AGO1: variants seen among roughly 807,000 people sequenced by gnomAD.
AGO1 encodes the protein argonaute RISC component 1.
Under a neutral mutation model 109.2 loss-of-function variants are expected in AGO1, and 11 were observed. The ratio of observed to expected loss-of-function variants is 0.10; its 90% CI spans 0.06 to 0.17. The LOEUF is 0.17. AGO1 is among the 10% of genes least tolerant of loss of function. The pLI is 1.00. For missense variants in AGO1, 574 were observed against 1,140.3 expected, an observed-to-expected ratio of 0.50 and a Z score of 7.15; for synonymous variants, 422 against 418.6, an observed-to-expected ratio of 1.01 and a Z score of -0.10.
chr1:35,882,671 A>G (rs1379660339), upstream of AGO1, among the ~76,000 whole-genome samples: 1 of 152,158 alleles, frequency 6.6e-6, no homozygotes, highest in African/African-American at 2.4e-5. This position sits in a 1 kb window ranked among gnomAD's most constrained non-coding sequence, Gnocchi z 5.1. Flanking sequence ...CTTCCAGGGT[A>G]GGCCGCGTCT....
Position 35,915,548 on chromosome 1 carries a change from G to T in AGO1, c.2028+6G>T. The T allele has an allele frequency of 2.5e-6, 4 of 1,612,914 alleles. No individual in the cohort carries two copies. Among genetic ancestry groups the T allele is most frequent in the Non-Finnish European group, 2.5e-6 (3 of 1,179,386 alleles). ...CTGAAGGCCAGCTACCCCAGGTAGG[G>T]CCCACAGTAGGTGGAGAAAACCTTC... On this transcript the variant is annotated splice_donor_region_variant and intron_variant, in intron 15 of 18. Transcript: ENST00000373204.
intron 1 of AGO1, among the ~76,000 whole-genome samples, chr1:35,884,745 A>T (rs550752117): frequency 2.6e-5 from 4 of 152,146 alleles, no homozygotes; most frequent in African/African-American, 9.7e-5. Context: ...GGAACAGAGG[A>T]TAAACTGAGG....
chr1:35,885,762 G>C (rs1342662623), intron 1 of AGO1, among the ~76,000 whole-genome samples: 1 of 152,222 alleles, frequency 6.6e-6, no homozygotes, highest in Admixed American at 6.5e-5. Flanking sequence ...GCAGTGTCTG[G>C]TTTATTTGTA....
At chr1:35,897,263 G>A (rs925331773) in intron 8 of AGO1, among the ~76,000 whole-genome samples, 3 of 152,154 alleles carry the variant, frequency 2.0e-5, no homozygotes, top group African/African-American at 7.2e-5. Context: ...TGTTAGGGAG[G>A]TCCTCTTTTA....
intron 11 of AGO1, among the ~76,000 whole-genome samples, chr1:35,903,012 T>A (rs1033860850): frequency 6.6e-6 from 1 of 150,698 alleles, no homozygotes; most frequent in African/African-American, 2.4e-5. Flanking sequence ...TTTTTTTTTT[T>A]TTTTTTTTTT....
At chr1:35,903,524 G>T (rs1404870459) in intron 11 of AGO1, among the ~76,000 whole-genome samples, 1 of 152,098 alleles carries the variant, frequency 6.6e-6, no homozygotes. Context: ...GGGGAAGTAT[G>T]CCATGACGAA....
chr1:35,880,480 T>C (rs139528420), upstream of AGO1, among the ~76,000 whole-genome samples: 403 of 152,242 alleles, frequency 2.6e-3, 3 homozygotes, highest in African/African-American at 9.0e-3. Context: ...GAGAATTACT[T>C]GCGCCTGAGA....
chr1:35,917,751 C>T (rs1645760844), intron 16 of AGO1, 24 bp downstream of exon 16: 1 of 1,606,164 alleles, frequency 6.2e-7, no homozygotes, highest in African/African-American at 1.3e-5. Flanking sequence ...TGAGGCCTCC[C>T]ATCCCCTCCT....
rs1645070496 is a variant in AGO1 at position 35,883,727 on chromosome 1, C to T, written c.25+281C>T. Among the ~76,000 whole-genome samples the T allele has an allele frequency of 6.6e-6, 1 of 152,194 alleles. No homozygotes were observed. Among genetic ancestry groups the T allele is most frequent in the Admixed American group, 6.5e-5 (1 of 15,284 alleles). Reference sequence around the variant, plus strand: ...ACGCACGGAAGGACTCCCAGACATCCGTGGAGGCCTACGGAGAGGCCCGGC... The same window carrying T: ...ACGCACGGAAGGACTCCCAGACATCTGTGGAGGCCTACGGAGAGGCCCGGC... On this transcript the variant is annotated intron_variant, in intron 1 of 18. Transcript: ENST00000373204. The surrounding 1 kb of genome is among the most constrained non-coding windows in gnomAD (Gnocchi z 5.4).
chr1:35,904,712 T>C lies in AGO1; in HGVS notation c.1398-2223T>C, dbSNP rs647255. Among the ~76,000 whole-genome samples, 210 of 152,326 alleles carry C rather than the reference T, an allele frequency of 1.4e-3. 2 individuals are homozygous for C. The highest frequency in any genetic ancestry group is 4.6e-3 in the African/African-American group (191 of 41,576). ...AGTAGTAGCCAGTTAAATCTGTGGT[T>C]CTGACTGGGCTAAAGGTAAATATTT... On this transcript the variant is annotated intron_variant, in intron 11 of 18. Transcript: ENST00000373204.
At chr1:35,911,209 G>A (rs918438547) in intron 12 of AGO1, among the ~76,000 whole-genome samples, 3 of 152,152 alleles carry the variant, frequency 2.0e-5, no homozygotes, top group Non-Finnish European at 4.4e-5. Context: ...GTGTATAAGA[G>A]TGCTAGATAG....
Position 35,901,560 on chromosome 1 carries a change from C to A in AGO1, c.1107C>A (p.Ser369=). The change falls in exon 9 of 19, where the codon TCC becomes TCA. Residue 369 remains serine (S), a synonymous_variant. Coordinates refer to ENST00000373204, the MANE Select transcript of AGO1 (RefSeq NM_012199.5). The surrounding 1 kb of genome is among the most constrained non-coding windows in gnomAD (Gnocchi z 4.8). The part of the protein sequence containing the change: ...TSTMIKATAR[S]APDRQEEISR... The stretch of plus-strand genomic sequence containing the variant: ...CCATGATAAAGGCCACAGCTAGATC[C>A]GCTCCAGACAGACAGGAGGAGATCA... The A allele has an allele frequency of 1.2e-6, 2 of 1,614,152 alleles. No homozygotes were observed. Among genetic ancestry groups the A allele is most frequent in the Non-Finnish European group, 1.7e-6 (2 of 1,180,012 alleles).
Position 35,901,236 on chromosome 1 carries a change from G to A in AGO1, c.1021-238G>A, listed in dbSNP as rs1645411021. Among the ~76,000 whole-genome samples, 1 of 152,162 alleles carries A rather than the reference G, an allele frequency of 6.6e-6. No homozygotes were observed. Among genetic ancestry groups the A allele is most frequent in the South Asian group, 2.1e-4 (1 of 4,828 alleles). On this transcript the variant is annotated intron_variant, in intron 8 of 18. Transcript: ENST00000373204. The surrounding 1 kb of genome is among the most constrained non-coding windows in gnomAD (Gnocchi z 4.8). ...TCTGGCCGCCTTGGCCTCCTAAGGTGCTGGGATTGCAGGCATGAGCCACCA... is the reference window on the plus strand; with the variant it reads ...TCTGGCCGCCTTGGCCTCCTAAGGTACTGGGATTGCAGGCATGAGCCACCA...
chr1:35,872,630 T>C (rs1195067181), intron 1 of AGO1, among the ~76,000 whole-genome samples: 1 of 152,088 alleles, frequency 6.6e-6, no homozygotes, highest in Non-Finnish European at 1.5e-5. Context: ...TGGAGGGCAG[T>C]AACATGATCA....
chr1:35,913,120 C>T (rs907074126), intron 12 of AGO1, among the ~76,000 whole-genome samples: 9 of 150,994 alleles, frequency 6.0e-5, no homozygotes, highest in Non-Finnish European at 1.2e-4. Flanking sequence ...CCCGGGTTCA[C>T]GCCATTCTCC....
At position 35,922,111 on chromosome 1, in the gene AGO1, C is replaced by G. The variant is rs907449262; in HGVS notation, c.*2504C>G. On this transcript the variant is annotated 3_prime_UTR_variant, in exon 19 of 19. Coordinates refer to ENST00000373204, the MANE Select transcript of AGO1 (RefSeq NM_012199.5). ...ATGTCCATAGGGAGCAGGTGGCAGC[C>G]TCTACTCCCAGCAACAAGTTTGTGT... The G allele has an allele frequency of 5.2e-5, 8 of 152,688 alleles. No homozygotes were observed. The highest frequency in any genetic ancestry group is 1.9e-4 in the African/African-American group (8 of 41,460). The allele number at this position is 152,688 out of a possible 1,614,324, so 9.5% of individuals were successfully genotyped here.
intron 1 of AGO1, among the ~76,000 whole-genome samples, chr1:35,872,476 G>A (rs377609586): frequency 2.6e-5 from 4 of 152,112 alleles, no homozygotes; most frequent in South Asian, 2.1e-4. Flanking sequence ...GTGAGCCACC[G>A]CGCCTGGCCC....
chr1:35,926,758 A>T lies in AGO1; in HGVS notation c.*7151A>T, dbSNP rs1645935888. On this transcript the variant is annotated 3_prime_UTR_variant, in exon 19 of 19. Transcript: ENST00000373204. ...AGCTGTGTCAAGAAGGAAGAGCTGG[A>T]AAAGTGGATTTGCTGGGGAATTAGA... 1 of 152,188 alleles carries T rather than the reference A, an allele frequency of 6.6e-6. No homozygotes were observed. The highest frequency in any genetic ancestry group is 2.4e-5 in the African/African-American group (1 of 41,444). 9.4% of individuals were successfully genotyped at this position (152,188 alleles called of 1,614,324 possible).
intron 12 of AGO1, among the ~76,000 whole-genome samples, chr1:35,912,105 C>T (rs1460462037): frequency 6.6e-6 from 1 of 152,114 alleles, no homozygotes; most frequent in Non-Finnish European, 1.5e-5. Context: ...CGCGTGTAAT[C>T]CCAGCACTTT....
Sources: allele counts gnomAD v4.1 joint callset (sites outside exome capture counted in the v4.1 genomes callset), GRCh38; gene constraint gnomAD v4.1.1; non-coding constraint Gnocchi (gnomAD v3.1); transcripts MANE v1.5; gene names NCBI Gene and HGNC (gene_info 2026-07-23, HGNC 2026-07-21).